SHE: variants seen among roughly 807,000 people sequenced by gnomAD.
The protein encoded by SHE is Src homology 2 domain containing E.
Under a neutral mutation model 49.8 loss-of-function variants are expected in SHE, and 11 were observed. That is an observed-to-expected ratio of 0.22 (90% CI 0.14 to 0.37). SHE has a LOEUF of 0.37. Ranked by LOEUF, SHE falls within the 10% of genes least tolerant of loss-of-function variation. SHE has a pLI of 1.00. For missense variants in SHE, 624 were observed against 655.5 expected (o/e 0.95, Z 0.52); for synonymous variants, 310 against 278.1 (o/e 1.11, Z -1.14).
intron 2 of SHE, 91 bp from the exon 3 acceptor site, chr1:154,489,447 T>C: frequency 6.9e-7 from 1 of 1,450,714 alleles, no homozygotes; most frequent in East Asian, 2.3e-5. Flanking sequence ...TTAACCCAAC[T>C]GCCTCAGCAC....
intron 1 of SHE, among the ~76,000 whole-genome samples, chr1:154,470,997 G>A (rs1234601927): frequency 2.0e-5 from 3 of 149,216 alleles, no homozygotes; most frequent in Middle Eastern, 3.4e-3. Flanking sequence ...GTGACAAAGA[G>A]TGAGTGAGAC....
chr1:154,486,444 T>A, intron 4 of SHE, 83 bp downstream of exon 4: 1 of 1,525,080 alleles, frequency 6.6e-7, no homozygotes, highest in Non-Finnish European at 8.8e-7. Context: ...AATAATCATG[T>A]GAAATGGGCC....
rs1024230799 is a variant in SHE at position 154,481,958 on chromosome 1, T to C, written c.*2191A>G. 3.8e-5 allele frequency: 9 copies of C among 235,568 alleles called. No homozygotes were observed. The highest frequency in any genetic ancestry group is 2.1e-4 in the African/African-American group (9 of 42,634). The allele number at this position is 235,568 out of a possible 1,614,324, so 14.6% of individuals were successfully genotyped here. A position where few individuals can be genotyped will look rare whatever the true frequency, so the allele number is the denominator to read the frequency against. On this transcript the variant is annotated 3_prime_UTR_variant, in exon 6 of 6. Transcript: ENST00000304760. ...TTGACCTGAGCAGAGGTGATCCACC[T>C]ACCTCAGCCTCCCGAATAGCTGGAA... is the stretch of plus-strand genomic sequence containing the variant.
chr1:154,490,882 C>A (rs1356540693), intron 2 of SHE, among the ~76,000 whole-genome samples: 1 of 150,622 alleles, frequency 6.6e-6, no homozygotes, highest in Non-Finnish European at 1.5e-5. Flanking sequence ...TAGAGTAAAT[C>A]AAAAAGGTAT....
At chr1:154,472,130 C>CA (rs57013173) in intron 1 of SHE, among the ~76,000 whole-genome samples, 24,932 of 150,388 alleles carry the variant, frequency 0.17, 2,541 homozygotes, top group South Asian at 0.23. Flanking sequence ...CACTCTGTCT[C>CA]AAAAAAAAAA....
intron 5 of SHE, 108 bp from the exon 6 acceptor site, chr1:154,484,443 C>A: frequency 1.1e-6 from 1 of 898,978 alleles, no homozygotes; most frequent in Non-Finnish European, 1.7e-6. Context: ...CTCATCCATC[C>A]CGTAATGGTT....
chr1:154,472,983 G>C (rs1691779727), intron 1 of SHE, among the ~76,000 whole-genome samples: 1 of 152,018 alleles, frequency 6.6e-6, no homozygotes, highest in Admixed American at 6.5e-5. Context: ...ACAACATAGT[G>C]AGACCCATCT....
intron 2 of SHE, among the ~76,000 whole-genome samples, chr1:154,490,726 T>C (rs1032788823): frequency 1.3e-5 from 2 of 151,582 alleles, no homozygotes; most frequent in East Asian, 1.9e-4. Flanking sequence ...GGTGCCAAGG[T>C]GTAGACATTT....
rs780044403 is a variant in SHE, at chr1:154,501,533, C to T, written c.494G>A (p.Ser165Asn). 1.9e-6 allele frequency: 3 copies of T among 1,614,052 alleles called. No individual in the cohort carries two copies. The highest frequency in any genetic ancestry group is 1.7e-6 in the Non-Finnish European group (2 of 1,180,000). ...KNGKSNYPSS[S>N]SSSSSSSSSA... ...GGAAGAGGAGCTGGAGCTGGAGCTA[C>T]TGCTGCTGGGGTAGTTGCTCTTCCC... The change falls in exon 1 of 6, where the codon AGT (serine) becomes AAT (asparagine). Residue 165 changes from serine to asparagine, a missense_variant. Ser to Asn is a conservative substitution (Grantham distance 46, BLOSUM62 1). Transcript: ENST00000304760.
chr1:154,481,060 A>G lies in SHE; in HGVS notation c.*3089T>C, dbSNP rs1692006134. The G allele has an allele frequency of 1.0e-6, 1 of 985,344 alleles. No individual in the cohort carries two copies. Among genetic ancestry groups the G allele is most frequent in the Non-Finnish European group, 1.2e-6 (1 of 829,940 alleles). 61.0% of individuals were successfully genotyped at this position (985,344 alleles called of 1,614,324 possible). On this transcript the variant is annotated 3_prime_UTR_variant, in exon 6 of 6. Transcript: ENST00000304760. ...TCGAAGGAATGAGGACTACAGGAAA[A>G]TACTTGTCTCAAGACAAAATGACAA...
chr1:154,485,590 A>G (rs1412630909), intron 5 of SHE: 1 of 172,716 alleles, frequency 5.8e-6, no homozygotes, highest in Non-Finnish European at 1.2e-5. Context: ...ATACTAGGGA[A>G]TAAAAGAAGA....
chr1:154,472,059 G>A (rs1691758637), intron 1 of SHE, among the ~76,000 whole-genome samples: 1 of 151,970 alleles, frequency 6.6e-6, no homozygotes, highest in South Asian at 2.1e-4. Context: ...TGTAGTCCCA[G>A]CTACTCAGGA....
At chr1:154,470,340 C>G (rs571384988) in exon 2 of SHE, 5 of 1,289,076 alleles carry the variant, frequency 3.9e-6, no homozygotes, top group Admixed American at 2.3e-5. Flanking sequence ...TCCAGAAGAA[C>G]TTAGGAGAGC....
intron 2 of SHE, among the ~76,000 whole-genome samples, chr1:154,494,818 A>G (rs1570854254): frequency 1.3e-5 from 2 of 152,166 alleles, no homozygotes; most frequent in Non-Finnish European, 2.9e-5. Flanking sequence ...TTGGGACGCC[A>G]AGGCAGGAGG....
At chr1:154,487,265 C>T (rs560249532) in intron 3 of SHE, among the ~76,000 whole-genome samples, 39 of 139,360 alleles carry the variant, frequency 2.8e-4, no homozygotes, top group Non-Finnish European at 2.3e-4. Context: ...GGTGAGACTC[C>T]GTCTCAAAAA....
chr1:154,491,387 T>G (rs932466150), intron 2 of SHE, among the ~76,000 whole-genome samples: 5 of 152,228 alleles, frequency 3.3e-5, no homozygotes, highest in Admixed American at 3.3e-4. Context: ...GGCAGTTCCC[T>G]GCATACTACA....
chr1:154,470,582 AT>A (rs1279751558), intron 1 of SHE, among the ~76,000 whole-genome samples: 1 of 152,116 alleles, frequency 6.6e-6, no homozygotes, highest in African/African-American at 2.4e-5. Flanking sequence ...GCTCACTCCT[AT>A]AATCCTAGCA....
chr1:154,498,654 C>T (rs1692613029), intron 2 of SHE, among the ~76,000 whole-genome samples: 1 of 152,006 alleles, frequency 6.6e-6, no homozygotes, highest in Non-Finnish European at 1.5e-5. Flanking sequence ...CGCCTCTCTC[C>T]CAAAGTGCTG....
rs188554990 is a variant in SHE, at chr1:154,479,871, G to T, written c.*4278C>A. On this transcript the variant is annotated 3_prime_UTR_variant, in exon 6 of 6. Transcript: ENST00000304760. ...TATTAGACTTCAAAACACCCTTTCC[G>T]CAGGAAAGGGCATTTTTCAAGATGG... 1.0e-6 allele frequency: 1 copy of T among 985,370 alleles called. No homozygotes were observed. Among genetic ancestry groups the T allele is most frequent in the Non-Finnish European group, 1.2e-6 (1 of 829,920 alleles). The allele number at this position is 985,370 out of a possible 1,614,324, so 61.0% of individuals were successfully genotyped here. A position where few individuals can be genotyped will look rare whatever the true frequency, so the allele number is the denominator to read the frequency against.
Sources: gnomAD v4.1 joint callset for allele counts (sites outside exome capture counted in the v4.1 genomes callset) on GRCh38, gnomAD v4.1.1 for gene constraint, MANE v1.5 for transcripts, NCBI Gene and HGNC (gene_info 2026-07-23, HGNC 2026-07-21) for gene names.